CAMK1: variants seen among roughly 807,000 people sequenced by gnomAD.
CAMK1 encodes the protein calcium/calmodulin-dependent protein kinase type 1.
CAMK1 carries 39 observed loss-of-function variants against 49.1 expected under a neutral mutation model. The observed-to-expected ratio is 0.79, with a 90% CI of 0.62 to 1.04. The LOEUF (loss-of-function observed/expected upper bound fraction) is 1.04, where lower values mean the gene tolerates loss of function less well. Among genes scored for constraint, CAMK1 ranks in the 50% least tolerant of loss-of-function variants. CAMK1 has a pLI of 0.00. For missense variants in CAMK1, 457 were observed against 472.2 expected (o/e 0.97, Z 0.30); for synonymous variants, 192 against 185.2 (o/e 1.04, Z -0.30).
intron 3 of CAMK1, among the ~76,000 whole-genome samples, chr3:9,765,214 G>A (rs529883904): frequency 1.1e-4 from 16 of 150,236 alleles, no homozygotes; most frequent in Admixed American, 2.6e-4. Flanking sequence ...GCAACAGAGT[G>A]AGACTCCATC....
At chr3:9,760,358 G>A (rs1054198957) in intron 8 of CAMK1, 2 of 305,384 alleles carry the variant, frequency 6.5e-6, no homozygotes, top group East Asian at 1.5e-4. Flanking sequence ...ACAAAAGGAG[G>A]ATGAAAATGT....
intron 7 of CAMK1, 52 bp from the exon 8 acceptor site, chr3:9,760,820 C>G (rs548202677): frequency 4.4e-6 from 7 of 1,608,938 alleles, no homozygotes; most frequent in Non-Finnish European, 5.9e-6. Context: ...CCGTTGGCTC[C>G]GGGGTGGAGC....
In CAMK1 at chr3:9,757,657, G is replaced by T. The variant is rs375777594; in HGVS notation, c.1031-36C>A. On this transcript the variant is annotated intron_variant, in intron 11 of 11. Transcript: ENST00000256460. The surrounding 1 kb of genome is among the most constrained non-coding windows in gnomAD (Gnocchi z 4.5). Reference sequence around the variant, plus strand: ...AGACAGAACAGAGGTGGCCGCAGGGGCAGGCCCTCCACTCCAGCCCGGGTG... The same window carrying T: ...AGACAGAACAGAGGTGGCCGCAGGGTCAGGCCCTCCACTCCAGCCCGGGTG... 1 of 1,614,060 alleles carries T rather than the reference G, an allele frequency of 6.2e-7. No individual in the cohort carries two copies. Among genetic ancestry groups the T allele is most frequent in the Admixed American group, 1.7e-5 (1 of 60,018 alleles).
chr3:9,766,010 C>A, intron 2 of CAMK1, 120 bp from the exon 3 acceptor site: 11 of 1,614,152 alleles, frequency 6.8e-6, no homozygotes, highest in Non-Finnish European at 9.3e-6. Flanking sequence ...TGACCCTCCC[C>A]TAGTCACTCA....
chr3:9,763,875 A>G (rs1321536037), intron 3 of CAMK1, among the ~76,000 whole-genome samples: 3 of 152,334 alleles, frequency 2.0e-5, no homozygotes, highest in South Asian at 2.1e-4. Flanking sequence ...AATCCCAGCT[A>G]TCTGTGAGGC....
Position 9,757,898 on chromosome 3 carries a change from C to T in CAMK1, c.913-52G>A. 10 of 1,558,332 alleles carry T rather than the reference C, an allele frequency of 6.4e-6. No homozygotes were observed. The highest frequency in any genetic ancestry group is 1.8e-4 in the Middle Eastern group (1 of 5,650). The stretch of plus-strand genomic sequence containing the variant: ...GGGGAGAAAGGACTTTTGAGAGAGT[C>T]AAGTCATGGGGCAGGGGCGCAGTGG... On this transcript the variant is annotated intron_variant, in intron 10 of 11. Transcript: ENST00000256460. This position sits in a 1 kb window ranked among gnomAD's most constrained non-coding sequence, Gnocchi z 4.5.
chr3:9,766,083 C>G (rs1162855264), intron 2 of CAMK1, 193 bp from the exon 3 acceptor site: 1 of 1,535,340 alleles, frequency 6.5e-7, no homozygotes, highest in South Asian at 1.2e-5. Context: ...GTAGTCTCTC[C>G]CCTGGCCACA....
Position 9,761,694 on chromosome 3 carries a change from G to T in CAMK1, c.493C>A (p.Leu165Ile), listed in dbSNP as rs762376373. 6.2e-7 allele frequency: 1 copy of T among 1,614,070 alleles called. No homozygotes were observed. Among genetic ancestry groups the T allele is most frequent in the Non-Finnish European group, 8.5e-7 (1 of 1,180,034 alleles). Residue 165 changes from leucine (L) to isoleucine (I), a missense_variant, in exon 6 of 12, where the codon CTC (leucine) becomes ATC (isoleucine). By Grantham distance (5) the Leu-to-Ile change is conservative (BLOSUM62 2). Coordinates refer to ENST00000256460, the MANE Select transcript of CAMK1 (RefSeq NM_003656.5). ...DSKIMISDFG[L>I]SKMEDPGSVL... ...CTGCCCGGGTCCTCCATCTTGGAGA[G>T]GCCAAAGTCGGAGATCATGATTTTG...
intron 1 of CAMK1, among the ~76,000 whole-genome samples, chr3:9,769,218 C>T (rs1417295257): frequency 6.6e-6 from 1 of 151,944 alleles, no homozygotes; most frequent in East Asian, 1.9e-4. Flanking sequence ...CACACATCCA[C>T]CCGCACCCAC....
At position 9,759,571 on chromosome 3, in the gene CAMK1, C is replaced by T. The variant is rs372987286; in HGVS notation, c.829G>A (p.Ala277Thr). 2.0e-5 allele frequency: 32 copies of T among 1,614,042 alleles called. No individual in the cohort carries two copies. Among genetic ancestry groups the T allele is most frequent in the Non-Finnish European group, 2.6e-5 (31 of 1,180,030 alleles). The change falls in exon 10 of 12, where the codon GCA becomes ACA. Residue 277 changes from alanine to threonine, a missense_variant. Coordinates refer to ENST00000256460, the MANE Select transcript of CAMK1 (RefSeq NM_003656.5). Reference protein sequence around the residue: ...CEQALQHPWIAGDTALDKNIH... With the variant: ...CEQALQHPWITGDTALDKNIH... ...TTCTTATCTAGAGCTGTATCTCCTG[C>T]AATCCTAGGATGGGGTTATGTGGTG...
chr3:9,757,575 G>T lies in CAMK1; in HGVS notation c.1077C>A (p.Gly359=), dbSNP rs764307469. 1.2e-6 allele frequency: 2 copies of T among 1,614,134 alleles called. No homozygotes were observed. The highest frequency in any genetic ancestry group is 1.7e-6 in the Non-Finnish European group (2 of 1,180,022). The change falls in exon 12 of 12, where the codon GGC becomes GGA. Residue 359 remains glycine, a synonymous_variant. Coordinates refer to ENST00000256460, the MANE Select transcript of CAMK1 (RefSeq NM_003656.5). This position sits in a 1 kb window ranked among gnomAD's most constrained non-coding sequence, Gnocchi z 4.5. ...CCCRDCCVEP[G]TELSPTLPHQ... ...GGGGCAGTGTGGGGGACAGTTCTGTGCCCGGCTCCACGCAGCAGTCTCGAC... is the reference window on the plus strand; with the variant it reads ...GGGGCAGTGTGGGGGACAGTTCTGTTCCCGGCTCCACGCAGCAGTCTCGAC...
chr3:9,765,683 C>G (rs554776560), intron 3 of CAMK1, 76 bp downstream of exon 3: 155 of 1,532,352 alleles, frequency 1.0e-4, no homozygotes, highest in Admixed American at 3.4e-4. Context: ...ATGATTTGTC[C>G]AAAGCAGGAA....
chr3:9,766,353 G>C (rs2078152017), intron 2 of CAMK1: 1 of 663,212 alleles, frequency 1.5e-6, no homozygotes, highest in Admixed American at 2.1e-5. Context: ...TGTACAGTTG[G>C]TTCATCCCTT....
intron 3 of CAMK1, among the ~76,000 whole-genome samples, chr3:9,764,617 G>GTTTTT (rs202012854): frequency 6.1e-4 from 57 of 93,402 alleles, no homozygotes; most frequent in Non-Finnish European, 1.1e-3. Flanking sequence ...TGGCGTTTTT[G>GTTTTT]TTTTTTTTTT....
At position 9,759,706 on chromosome 3, in the gene CAMK1, T is replaced by G; in HGVS notation, c.790A>C (p.Arg264=). 3 of 1,614,160 alleles carry G rather than the reference T, an allele frequency of 1.9e-6. No individual in the cohort carries two copies. Among genetic ancestry groups the G allele is most frequent in the Non-Finnish European group, 2.5e-6 (3 of 1,180,026 alleles). The change falls in exon 9 of 12, where the codon AGA becomes CGA. Residue 264 remains arginine, a synonymous_variant. Coordinates refer to ENST00000256460, the MANE Select transcript of CAMK1 (RefSeq NM_003656.5). ...RHLMEKDPEK[R]FTCEQALQHP... Reference sequence around the variant, plus strand: ...TGCAAGGCCTGCTCACAGGTGAATCTTTTCTCTGGGTCCTTCTCCATCAAG... The same window carrying G: ...TGCAAGGCCTGCTCACAGGTGAATCGTTTCTCTGGGTCCTTCTCCATCAAG...
At position 9,763,057 on chromosome 3, in the gene CAMK1, A is replaced by G. The variant is rs751682160; in HGVS notation, c.291-5T>C. ...AAGAGCTCCCCACCCGACACCCTGC[A>G]GCAGGGGATAGGGCAGTCTGGCAAA... On this transcript the variant is annotated splice_region_variant and splice_polypyrimidine_tract_variant and intron_variant, in intron 4 of 11. Transcript: ENST00000256460. 6.2e-7 allele frequency: 1 copy of G among 1,614,162 alleles called. No homozygotes were observed. The highest frequency in any genetic ancestry group is 8.5e-7 in the Non-Finnish European group (1 of 1,180,008).
intron 7 of CAMK1, 42 bp from the exon 8 acceptor site, chr3:9,760,810 C>T (rs1332725587): frequency 1.2e-6 from 2 of 1,611,440 alleles, no homozygotes; most frequent in Admixed American, 3.3e-5. Flanking sequence ...CTTTCGGGTG[C>T]CGTTGGCTCC....
rs2077661215 is a variant in CAMK1, at chr3:9,757,891, A to G, written c.913-45T>C. ...AGGGAGAGGGGAGAAAGGACTTTTG[A>G]GAGAGTCAAGTCATGGGGCAGGGGC... On this transcript the variant is annotated intron_variant, in intron 10 of 11. Coordinates refer to ENST00000256460, the MANE Select transcript of CAMK1 (RefSeq NM_003656.5). The surrounding 1 kb of genome is among the most constrained non-coding windows in gnomAD (Gnocchi z 4.5). The G allele has an allele frequency of 1.3e-6, 2 of 1,564,850 alleles. No homozygotes were observed. The highest frequency in any genetic ancestry group is 1.7e-6 in the Non-Finnish European group (2 of 1,149,738).
chr3:9,761,952 G>T (rs564224182), intron 5 of CAMK1, 195 bp from the exon 6 acceptor site: 45 of 695,486 alleles, frequency 6.5e-5, no homozygotes, highest in East Asian at 4.7e-4. Context: ...AAGAGGGTGT[G>T]GGGGGGAACT....
Sources: gnomAD v4.1 joint callset for allele counts (sites outside exome capture counted in the v4.1 genomes callset) on GRCh38, gnomAD v4.1.1 for gene constraint, Gnocchi (gnomAD v3.1) non-coding constraint, MANE v1.5 for transcripts, NCBI Gene and HGNC (gene_info 2026-07-23, HGNC 2026-07-21) for gene names.